Variants in OSBPL6 observed in about 807,000 individuals in gnomAD.
The protein encoded by OSBPL6 is oxysterol binding protein like 6.
OSBPL6 carries 49 observed loss-of-function variants against 125.8 expected under a neutral mutation model. The ratio of observed to expected loss-of-function variants is 0.39; its 90% CI spans 0.31 to 0.49. The LOEUF is 0.49. Among genes scored for constraint, OSBPL6 ranks in the 20% least tolerant of loss-of-function variants. The pLI, the probability that OSBPL6 is intolerant of heterozygous loss-of-function variation, is 0.88. For synonymous variants in OSBPL6, 394 were observed against 391.8 expected, an observed-to-expected ratio of 1.01 and a Z score of -0.07; for missense variants, 986 against 1,135.4, an observed-to-expected ratio of 0.87 and a Z score of 1.89.
chr2:178,345,381 A>G (rs1158951490), intron 11 of OSBPL6, among the ~76,000 whole-genome samples: 1 of 152,212 alleles, frequency 6.6e-6, no homozygotes, highest in East Asian at 1.9e-4. Flanking sequence ...CTTTATGATT[A>G]GTAATTGGCT....
At chr2:178,233,337 G>A (rs1310276572) in intron 1 of OSBPL6, among the ~76,000 whole-genome samples, 14 of 152,150 alleles carry the variant, frequency 9.2e-5, no homozygotes, top group Admixed American at 4.6e-4. Flanking sequence ...TAATTCCTGC[G>A]AACCAGCCTT....
intron 21 of OSBPL6, 86 bp downstream of exon 21, chr2:178,389,239 A>C (rs1695202033): frequency 2.3e-6 from 3 of 1,313,922 alleles, no homozygotes; most frequent in Non-Finnish European, 3.2e-6. Context: ...AAATAGCAGC[A>C]AGTGAATCTG....
At position 178,382,427 on chromosome 2, in the gene OSBPL6, A is replaced by G; in HGVS notation, c.1541A>G (p.Asp514Gly). 1 of 1,604,946 alleles carries G rather than the reference A, an allele frequency of 6.2e-7. No homozygotes were observed. Among genetic ancestry groups the G allele is most frequent in the Non-Finnish European group, 8.5e-7 (1 of 1,174,650 alleles). Residue 514 changes from aspartate (D) to glycine (G), a missense_variant, in exon 16 of 25, where the codon GAT becomes GGT. By Grantham distance (94) the Asp-to-Gly change is moderately conservative. Coordinates refer to ENST00000190611, the MANE Select transcript of OSBPL6 (RefSeq NM_032523.4). The part of the protein sequence containing the change: ...SASSSENEAS[D>G]DESYISDVSD... ...TGTTCTTCCCTTCCTTAGGCTTCAG[A>G]TGATGAGTCTTACATCAGTGATGTG...
chr2:178,380,254 G>A (rs1417103313), intron 15 of OSBPL6, among the ~76,000 whole-genome samples: 1 of 151,690 alleles, frequency 6.6e-6, no homozygotes, highest in Non-Finnish European at 1.5e-5. Flanking sequence ...TTCAAGCCTG[G>A]GTAACGTAGC....
At chr2:178,336,139 C>G (rs937215318) in intron 8 of OSBPL6, among the ~76,000 whole-genome samples, 162 bp from the exon 9 acceptor site, 2 of 152,178 alleles carry the variant, frequency 1.3e-5, no homozygotes, top group African/African-American at 4.8e-5. Flanking sequence ...GGAATGTCGC[C>G]CTCACTGGGC....
At chr2:178,233,545 G>C (rs1298147899) in intron 1 of OSBPL6, among the ~76,000 whole-genome samples, 1 of 152,174 alleles carries the variant, frequency 6.6e-6, no homozygotes, top group Non-Finnish European at 1.5e-5. Context: ...TTTAGTGTCA[G>C]ATTAAAAATC....
At chr2:178,229,707 G>C (rs549997254) in intron 1 of OSBPL6, among the ~76,000 whole-genome samples, 1 of 152,184 alleles carries the variant, frequency 6.6e-6, no homozygotes, top group South Asian at 2.1e-4. Flanking sequence ...GTGTGCACCT[G>C]TACTCTCAGC....
At chr2:178,314,283 T>A (rs141516070) in intron 3 of OSBPL6, among the ~76,000 whole-genome samples, 1 of 152,180 alleles carries the variant, frequency 6.6e-6, no homozygotes, top group African/African-American at 2.4e-5. Context: ...TAACCTCCAA[T>A]TACAATCACC....
chr2:178,367,760 G>A (rs972687533), intron 13 of OSBPL6, among the ~76,000 whole-genome samples: 5 of 152,220 alleles, frequency 3.3e-5, no homozygotes, highest in African/African-American at 1.2e-4. Context: ...AAATGAGCAT[G>A]CATTGTAGTT....
intron 1 of OSBPL6, among the ~76,000 whole-genome samples, chr2:178,206,799 G>A (rs201158866): frequency 1.3e-5 from 2 of 152,242 alleles, no homozygotes; most frequent in East Asian, 3.9e-4. Context: ...ATTTTTAGTA[G>A]AGATGGGGTT....
intron 4 of OSBPL6, 130 bp downstream of exon 4, chr2:178,324,399 C>T (rs1039650637): frequency 8.7e-6 from 5 of 571,794 alleles, no homozygotes; most frequent in Admixed American, 4.7e-5. Flanking sequence ...ACTCTTTGCA[C>T]TTTTTCTGCT....
chr2:178,341,344 T>TTC (rs1690177688), intron 11 of OSBPL6, among the ~76,000 whole-genome samples: 1 of 151,324 alleles, frequency 6.6e-6, no homozygotes, highest in Non-Finnish European at 1.5e-5. Context: ...TTTTTTTTTT[T>TTC]TTTTTTTCTG....
intron 19 of OSBPL6, among the ~76,000 whole-genome samples, chr2:178,386,404 C>T (rs1694937912): frequency 1.3e-5 from 2 of 152,142 alleles, no homozygotes; most frequent in African/African-American, 2.4e-5. Context: ...TGGTCTATAT[C>T]TTAACAACCA....
chr2:178,265,694 C>T (rs1422061782), intron 1 of OSBPL6, among the ~76,000 whole-genome samples: 1 of 152,022 alleles, frequency 6.6e-6, no homozygotes, highest in Non-Finnish European at 1.5e-5. Flanking sequence ...GGATTTAGGC[C>T]CTGTCACTAG....
intron 1 of OSBPL6, among the ~76,000 whole-genome samples, chr2:178,201,080 C>T (rs916284939): frequency 3.3e-5 from 5 of 152,210 alleles, no homozygotes; most frequent in African/African-American, 1.2e-4. Context: ...AGGTGTGAGC[C>T]ACTGTGCCTG....
intron 3 of OSBPL6, among the ~76,000 whole-genome samples, chr2:178,310,996 T>C (rs1687222395): frequency 2.0e-5 from 3 of 152,198 alleles, no homozygotes; most frequent in Admixed American, 2.0e-4. Flanking sequence ...CAGGTCATTC[T>C]TTACAGAGCA....
intron 1 of OSBPL6, among the ~76,000 whole-genome samples, chr2:178,279,805 A>G (rs1683956871): frequency 6.6e-6 from 1 of 152,220 alleles, no homozygotes; most frequent in Non-Finnish European, 1.5e-5. Flanking sequence ...TGTCACAAGC[A>G]GTAATCAGGC....
In OSBPL6 at chr2:178,329,471, A is replaced by G. The variant is rs541089645; in HGVS notation, c.318+1093A>G. Among the ~76,000 whole-genome samples the G allele has an allele frequency of 1.1e-3, 167 of 150,846 alleles. 1 individual carries two copies. The highest frequency in any genetic ancestry group is 4.0e-3 in the African/African-American group (166 of 41,038). On this transcript the variant is annotated intron_variant, in intron 5 of 24. Transcript: ENST00000190611. Reference sequence around the variant, plus strand: ...ACTCTGTCACCCAGGCTGGAGTGCAATGGCACAATCACGGCTCATTGCAAC... The same window carrying G: ...ACTCTGTCACCCAGGCTGGAGTGCAGTGGCACAATCACGGCTCATTGCAAC...
rs2092240640 is a variant in OSBPL6 at position 178,266,622 on chromosome 2, T to C, written c.-350-18305T>C. 3.3e-5 allele frequency among the ~76,000 whole-genome samples: 5 copies of C among 152,300 alleles called. No individual in the cohort carries two copies. In the South Asian group the frequency reaches 1.0e-3, roughly 32 times the overall value. On this transcript the variant is annotated intron_variant, in intron 1 of 24. Transcript: ENST00000190611. ...TCAGCAGGAACATGAACACAAAGCCTTAACACATGGAGCGAGGTTGAGACC... is the reference window on the plus strand; with the variant it reads ...TCAGCAGGAACATGAACACAAAGCCCTAACACATGGAGCGAGGTTGAGACC...
Sources: gnomAD v4.1 joint callset for allele counts (sites outside exome capture counted in the v4.1 genomes callset) on GRCh38, gnomAD v4.1.1 for gene constraint, MANE v1.5 for transcripts, NCBI Gene and HGNC (gene_info 2026-07-23, HGNC 2026-07-21) for gene names.